VGLL4: variants seen among roughly 807,000 people sequenced by gnomAD.
The protein encoded by VGLL4 is transcription cofactor vestigial-like protein 4.
VGLL4 carries 7 observed loss-of-function variants against 21.0 expected under a neutral mutation model. That is an observed-to-expected ratio of 0.33 (90% CI 0.19 to 0.63). The LOEUF (loss-of-function observed/expected upper bound fraction) is 0.63, where lower values mean the gene tolerates loss of function less well. Ranked by LOEUF, VGLL4 falls within the 20% of genes least tolerant of loss-of-function variation. The pLI, the probability that VGLL4 is intolerant of heterozygous loss-of-function variation, is 0.78. For synonymous variants in VGLL4, 222 were observed against 173.2 expected (o/e 1.28, Z -2.21); for missense variants, 394 against 425.7 (o/e 0.93, Z 0.66).
chr3:11,660,320 C>A (rs2076020903), intron 2 of VGLL4, among the ~76,000 whole-genome samples: 2 of 152,166 alleles, frequency 1.3e-5, no homozygotes, highest in South Asian at 4.1e-4. Flanking sequence ...AATGATACAG[C>A]CTGACCATTC....
Position 11,719,736 on chromosome 3 carries a change from G to A in VGLL4, c.-14+658C>T, listed in dbSNP as rs2076967851. On this transcript the variant is annotated intron_variant, in intron 1 of 5. Coordinates refer to the VGLL4 transcript ENST00000273038. This position sits in a 1 kb window ranked among gnomAD's most constrained non-coding sequence, Gnocchi z 4.0. Reference sequence around the variant, plus strand: ...ACGGAGCAGGTGGGGGCTGAGCCAGGTGAGCCGGGAGGGAGATAGGGGCGA... The same window carrying A: ...ACGGAGCAGGTGGGGGCTGAGCCAGATGAGCCGGGAGGGAGATAGGGGCGA... The A allele has an allele frequency of 6.6e-6, 1 of 152,186 alleles. No homozygotes were observed. Among genetic ancestry groups the A allele is most frequent in the Admixed American group, 6.5e-5 (1 of 15,288 alleles). 9.4% of individuals were successfully genotyped at this position (152,186 alleles called of 1,614,324 possible). A position where few individuals can be genotyped will look rare whatever the true frequency, so the allele number is the denominator to read the frequency against.
intron 2 of VGLL4, among the ~76,000 whole-genome samples, chr3:11,583,284 A>G (rs1472979777): frequency 1.3e-5 from 2 of 152,256 alleles, no homozygotes; most frequent in African/African-American, 2.4e-5. Flanking sequence ...ATAAAAGACA[A>G]GATAAAAGCA....
chr3:11,679,608 G>A (rs902347637), intron 2 of VGLL4, among the ~76,000 whole-genome samples: 2 of 152,044 alleles, frequency 1.3e-5, no homozygotes, highest in Admixed American at 1.3e-4. Flanking sequence ...GCTTGAACCT[G>A]GGAGGCGGAG....
At chr3:11,630,905 C>T (rs567256472) in intron 1 of VGLL4, among the ~76,000 whole-genome samples, 41 of 152,014 alleles carry the variant, frequency 2.7e-4, no homozygotes, top group African/African-American at 9.2e-4. Flanking sequence ...TAAAATAATA[C>T]GTTTTATGTT....
At chr3:11,625,890 G>C (rs759650946) in intron 1 of VGLL4, among the ~76,000 whole-genome samples, 2 of 152,148 alleles carry the variant, frequency 1.3e-5, no homozygotes, top group Non-Finnish European at 2.9e-5. Context: ...CCAGGGACCA[G>C]CAGGACGGGG....
chr3:11,592,031 G>A (rs2074511758), intron 2 of VGLL4, among the ~76,000 whole-genome samples: 1 of 152,250 alleles, frequency 6.6e-6, no homozygotes. Flanking sequence ...GATACAGTAT[G>A]AAAGTAAAGA....
intron 2 of VGLL4, among the ~76,000 whole-genome samples, chr3:11,584,027 C>A (rs529805118): frequency 6.6e-6 from 1 of 152,290 alleles, no homozygotes; most frequent in African/African-American, 2.4e-5. Context: ...ACATTTCAGT[C>A]CCTTCCAGAA....
At chr3:11,623,749 C>CTT (rs1553732720) in intron 1 of VGLL4, among the ~76,000 whole-genome samples, 2 of 123,720 alleles carry the variant, frequency 1.6e-5, no homozygotes, top group Admixed American at 8.9e-5. Flanking sequence ...TGAAAATTTT[C>CTT]TTTTTTTTTT....
chr3:11,621,023 G>A (rs746995640), intron 1 of VGLL4, among the ~76,000 whole-genome samples: 1 of 152,112 alleles, frequency 6.6e-6, no homozygotes, highest in Non-Finnish European at 1.5e-5. Flanking sequence ...ATGACCGATA[G>A]GTGCCATTAG....
chr3:11,634,164 A>C (rs1469133751), intron 1 of VGLL4, among the ~76,000 whole-genome samples: 1 of 152,088 alleles, frequency 6.6e-6, no homozygotes, highest in Non-Finnish European at 1.5e-5. Flanking sequence ...CTTCTTCGAA[A>C]TCTCAGAGCC....
rs140755408 is a variant in VGLL4 at position 11,711,973 on chromosome 3, T to C, written c.-14+8421A>G. ...TCACGGTTTTAAATCCTCCAGCTCT[T>C]TCTCCTCCCCAGAGTGTCCGGTGAT... On this transcript the variant is annotated intron_variant, in intron 1 of 5. Transcript: ENST00000273038. Among the ~76,000 whole-genome samples the C allele has an allele frequency of 5.9e-4, 90 of 152,260 alleles. No homozygotes were observed. The East Asian group carries it at 0.014, about 25-fold the overall frequency.
At chr3:11,668,882 C>A (rs1476951539) in intron 2 of VGLL4, among the ~76,000 whole-genome samples, 1 of 149,236 alleles carries the variant, frequency 6.7e-6, no homozygotes. Flanking sequence ...ACACTGCTGT[C>A]TTCACCCTTC....
intron 2 of VGLL4, among the ~76,000 whole-genome samples, chr3:11,575,241 C>T (rs1159068741): frequency 6.6e-6 from 1 of 152,202 alleles, no homozygotes; most frequent in African/African-American, 2.4e-5. Context: ...GGCGGCCGCA[C>T]TGAGTGCTGT....
chr3:11,583,649 G>A (rs916455943), intron 2 of VGLL4, among the ~76,000 whole-genome samples: 6 of 152,294 alleles, frequency 3.9e-5, no homozygotes, highest in Non-Finnish European at 4.4e-5. Flanking sequence ...GACAACCCGG[G>A]AAGGAGTGGG....
intron 2 of VGLL4, among the ~76,000 whole-genome samples, chr3:11,662,811 C>T (rs187662139): frequency 6.6e-6 from 1 of 152,206 alleles, no homozygotes; most frequent in Non-Finnish European, 1.5e-5. Flanking sequence ...GGAGATAAGG[C>T]AGCCATTTTG....
intron 2 of VGLL4, among the ~76,000 whole-genome samples, chr3:11,666,455 C>T (rs984268011): frequency 1.3e-5 from 2 of 151,960 alleles, no homozygotes; most frequent in Non-Finnish European, 2.9e-5. Context: ...CCAGCACCAG[C>T]GTGGAGAACA....
intron 2 of VGLL4, among the ~76,000 whole-genome samples, chr3:11,671,032 C>G (rs2076206603): frequency 6.6e-6 from 1 of 152,086 alleles, no homozygotes; most frequent in South Asian, 2.1e-4. Context: ...GATTCCGTCT[C>G]AAAAATAAAT....
chr3:11,625,649 A>G (rs2616551), intron 1 of VGLL4, among the ~76,000 whole-genome samples: 36,074 of 152,120 alleles, frequency 0.24, 4,667 homozygotes, highest in South Asian at 0.44. Flanking sequence ...TAGTGAAGGC[A>G]GCATTGTAGT....
upstream of VGLL4, among the ~76,000 whole-genome samples, chr3:11,644,386 T>C (rs1401522323): frequency 1.3e-5 from 2 of 152,164 alleles, no homozygotes; most frequent in East Asian, 3.9e-4. Flanking sequence ...TAATGTTACA[T>C]ATAGCTTCTT....
Sources: gnomAD v4.1 joint callset for allele counts (sites outside exome capture counted in the v4.1 genomes callset) on GRCh38, gnomAD v4.1.1 for gene constraint, Gnocchi (gnomAD v3.1) non-coding constraint, MANE v1.5 for transcripts, NCBI Gene and HGNC (gene_info 2026-07-23, HGNC 2026-07-21) for gene names.